The following SCEL variants were observed in gnomAD, a reference collection of about 807,000 sequenced individuals.
The protein encoded by SCEL is sciellin.
SCEL carries 113 observed loss-of-function variants against 117.6 expected under a neutral mutation model. The ratio of observed to expected loss-of-function variants is 0.96; its 90% confidence interval spans 0.83 to 1.12. SCEL has a LOEUF of 1.12. Ranked by LOEUF, SCEL falls within the 50% of genes most tolerant of loss-of-function variation. SCEL has a pLI of 0.00. For missense variants in SCEL, 785 were observed against 810.8 expected, an observed-to-expected ratio of 0.97 and a Z score of 0.39; for synonymous variants, 270 against 256.2, an observed-to-expected ratio of 1.05 and a Z score of -0.51.
Position 77,604,164 on chromosome 13 carries a change from C to G in SCEL, c.1098-192C>G, listed in dbSNP as rs571875458. On this transcript the variant is annotated intron_variant, in intron 18 of 32. Coordinates refer to ENST00000349847, the MANE Select transcript of SCEL (RefSeq NM_144777.3). Reference sequence around the variant, plus strand: ...AACAAAAAATCAGATTTATTACTAACAAATAAGCAACATTAAATGGTCTTC... The same window carrying G: ...AACAAAAAATCAGATTTATTACTAAGAAATAAGCAACATTAAATGGTCTTC... 3 of 396,850 alleles carry G rather than the reference C, an allele frequency of 7.6e-6. No individual in the cohort carries two copies. The Admixed American group carries it at 1.4e-4, about 18-fold the overall frequency. The allele number at this position is 396,850 out of a possible 1,614,324, so 24.6% of individuals were successfully genotyped here. A position where few individuals can be genotyped will look rare whatever the true frequency, so the allele number is the denominator to read the frequency against.
At chr13:77,572,293 A>C (rs1048120255) in intron 9 of SCEL, 104 bp downstream of exon 9, 1 of 920,238 alleles carries the variant, frequency 1.1e-6, no homozygotes, top group African/African-American at 1.7e-5. Context: ...ATTGGAGGCA[A>C]TCTCATGAAC....
Position 77,617,970 on chromosome 13 carries a change from A to C in SCEL, c.1572-34A>C, listed in dbSNP as rs769589665. 6.2e-6 allele frequency: 10 copies of C among 1,605,896 alleles called. No homozygotes were observed. In the Admixed American group the frequency reaches 1.7e-4, roughly 27 times the overall value. Reference sequence around the variant, plus strand: ...TAGCACAACCCCAAAATCTATTACCAATCTGAACTTTTTTCTCTCTCTCTT... The same window carrying C: ...TAGCACAACCCCAAAATCTATTACCCATCTGAACTTTTTTCTCTCTCTCTT... On this transcript the variant is annotated intron_variant, in intron 26 of 32. Coordinates refer to ENST00000349847, the MANE Select transcript of SCEL (RefSeq NM_144777.3).
At chr13:77,605,308 C>G (rs1001838239) in intron 19 of SCEL, among the ~76,000 whole-genome samples, 2 of 152,124 alleles carry the variant, frequency 1.3e-5, no homozygotes, top group Non-Finnish European at 2.9e-5. Context: ...CACTATCATG[C>G]CTGCCCTGTT....
intron 5 of SCEL, among the ~76,000 whole-genome samples, chr13:77,565,717 G>T (rs989632158): frequency 1.3e-5 from 2 of 152,326 alleles, no homozygotes; most frequent in Admixed American, 6.5e-5. Flanking sequence ...GAAAAGTACT[G>T]AGTTTACGTT....
At chr13:77,613,998 A>C in intron 24 of SCEL, 43 bp downstream of exon 24, 1 of 1,428,168 alleles carries the variant, frequency 7.0e-7, no homozygotes, top group Non-Finnish European at 9.8e-7. Flanking sequence ...TCGTTAAGTA[A>C]ACCCAAAATT....
chr13:77,612,836 A>G, intron 22 of SCEL, 55 bp from the exon 23 acceptor site: 4 of 1,049,338 alleles, frequency 3.8e-6, no homozygotes, highest in Non-Finnish European at 4.2e-6. Context: ...TTGAAAAAAT[A>G]TACAAATTAT....
chr13:77,644,514 A>G lies in SCEL; in HGVS notation c.*240A>G. ...AAAAGTTCAAATGGTTCCAGATTCCAGTGTCAAAGGAGTGATGCATTACAC... is the reference window on the plus strand; with the variant it reads ...AAAAGTTCAAATGGTTCCAGATTCCGGTGTCAAAGGAGTGATGCATTACAC... On this transcript the variant is annotated 3_prime_UTR_variant, in exon 33 of 33. Transcript: ENST00000349847. 2.1e-6 allele frequency: 1 copy of G among 467,854 alleles called. No homozygotes were observed. Among genetic ancestry groups the G allele is most frequent in the South Asian group, 2.6e-5 (1 of 37,766 alleles). 29.0% of individuals were successfully genotyped at this position (467,854 alleles called of 1,614,324 possible).
At chr13:77,544,650 T>A (rs185290605) in intron 1 of SCEL, among the ~76,000 whole-genome samples, 4 of 152,164 alleles carry the variant, frequency 2.6e-5, no homozygotes, top group African/African-American at 9.6e-5. Flanking sequence ...GGCAATTGGG[T>A]CACCTAATGG....
chr13:77,594,646 C>T (rs1567394013), intron 12 of SCEL, among the ~76,000 whole-genome samples: 1 of 152,190 alleles, frequency 6.6e-6, no homozygotes, highest in African/African-American at 2.4e-5. Context: ...TCTATCATCT[C>T]TATAGTCTCT....
intron 1 of SCEL, among the ~76,000 whole-genome samples, chr13:77,547,097 T>C (rs368377058): frequency 6.6e-6 from 1 of 152,198 alleles, no homozygotes; most frequent in East Asian, 1.9e-4. Context: ...TATGCAATCA[T>C]TGTCTGCCAT....
intron 1 of SCEL, among the ~76,000 whole-genome samples, chr13:77,541,754 T>C (rs1337094086): frequency 6.6e-6 from 1 of 152,242 alleles, no homozygotes; most frequent in East Asian, 1.9e-4. Context: ...ACATTTTATA[T>C]ATGCTTTCTT....
At chr13:77,540,646 G>C (rs915157675) in intron 1 of SCEL, among the ~76,000 whole-genome samples, 2 of 152,196 alleles carry the variant, frequency 1.3e-5, no homozygotes, top group African/African-American at 4.8e-5. Flanking sequence ...TAGCTCACAG[G>C]TGATGAAAAG....
intron 4 of SCEL, among the ~76,000 whole-genome samples, chr13:77,562,822 T>C (rs1241889593): frequency 6.6e-6 from 1 of 152,238 alleles, no homozygotes; most frequent in Admixed American, 6.5e-5. Context: ...TACATCCAAA[T>C]AGTTGCTTAA....
chr13:77,547,500 T>C (rs899468428), intron 1 of SCEL, among the ~76,000 whole-genome samples: 32 of 152,322 alleles, frequency 2.1e-4, no homozygotes, highest in African/African-American at 6.7e-4. Context: ...GCAGACCCTA[T>C]GCAATTAACT....
chr13:77,610,219 G>A (rs1177898018), intron 22 of SCEL, 113 bp downstream of exon 22: 20 of 580,242 alleles, frequency 3.4e-5, no homozygotes, highest in Non-Finnish European at 4.0e-5. Flanking sequence ...TTAGGAGGCC[G>A]AGGCGGGAGG....
rs2088850489 is a variant in SCEL at position 77,613,946 on chromosome 13, A to C, written c.1442A>C (p.Asn481Thr). The change falls in exon 24 of 33, where the codon AAC becomes ACC. Residue 481 changes from asparagine to threonine, a missense_variant. Physicochemically the swap from Asn to Thr is moderately conservative, Grantham distance 65. Coordinates refer to ENST00000349847, the MANE Select transcript of SCEL (RefSeq NM_144777.3). ...AATGTCAGCCCCAAAGCTGTCAAAA[A>C]CACTGATGGGTAAGAGATGGATGTG... ...HINVSPKAVK[N>T]TDGKQDLDKL... The C allele has an allele frequency of 1.2e-6, 2 of 1,612,908 alleles. No individual in the cohort carries two copies. The highest frequency in any genetic ancestry group is 1.7e-6 in the Non-Finnish European group (2 of 1,179,104).
rs753727010 is a variant in SCEL, at chr13:77,640,719, T to C, written c.1882T>C (p.Leu628=). ...TATGTGCACTTACTGCCGAAAACCC[T>C]TGGGTGTAGAAACTAAAATGATTTT... ...RDMCTYCRKP[L]GVETKMILDE... is the part of the protein sequence containing the mutation. The change falls in exon 31 of 33, where the codon TTG becomes CTG. Residue 628 remains leucine, a synonymous_variant. Transcript: ENST00000349847. 6.2e-6 allele frequency: 10 copies of C among 1,607,932 alleles called. No homozygotes were observed. The Admixed American group carries it at 1.5e-4, about 24-fold the overall frequency.
chr13:77,610,589 T>A (rs2088582196), intron 22 of SCEL, among the ~76,000 whole-genome samples: 1 of 152,178 alleles, frequency 6.6e-6, no homozygotes, highest in African/African-American at 2.4e-5. Context: ...GGAGAGAGAA[T>A]TCCTTGAAAG....
intron 4 of SCEL, among the ~76,000 whole-genome samples, chr13:77,560,265 T>A (rs1296780672): frequency 1.5e-5 from 2 of 133,166 alleles, no homozygotes; most frequent in African/African-American, 2.8e-5. Context: ...ACCCTGCCTC[T>A]AAAAAAAAAA....
Sources: allele counts gnomAD v4.1 joint callset (sites outside exome capture counted in the v4.1 genomes callset), GRCh38; gene constraint gnomAD v4.1.1; transcripts MANE v1.5; gene names NCBI Gene and HGNC (gene_info 2026-07-23, HGNC 2026-07-21).